Variants in PLXNA4 observed in about 807,000 individuals in gnomAD.
PLXNA4 encodes the protein plexin A4.
PLXNA4 carries 44 observed loss-of-function variants against 191.8 expected under a neutral mutation model. The ratio of observed to expected loss-of-function variants is 0.23; its 90% CI spans 0.18 to 0.29. PLXNA4 has a LOEUF of 0.29. PLXNA4 is among the 10% of genes least tolerant of loss of function. The pLI is 1.00. For synonymous variants in PLXNA4, 1,082 were observed against 1,009.5 expected (o/e 1.07, Z -1.36); for missense variants, 1,800 against 2,488.8 (o/e 0.72, Z 5.89).
chr7:132,241,505 A>G (rs1360278792), intron 4 of PLXNA4, among the ~76,000 whole-genome samples: 1 of 152,166 alleles, frequency 6.6e-6, no homozygotes, highest in Non-Finnish European at 1.5e-5. Context: ...CAAATGGCCA[A>G]TTCATCATGT....
chr7:132,351,114 T>C (rs1803467405), intron 3 of PLXNA4, among the ~76,000 whole-genome samples: 1 of 152,200 alleles, frequency 6.6e-6, no homozygotes, highest in South Asian at 2.1e-4. Context: ...GATTAGTGGC[T>C]ACCTAGGGCT....
At position 132,455,438 on chromosome 7, in the gene PLXNA4, GAC is replaced by G. The variant is rs138546621; in HGVS notation, c.1371+33852_1371+33853del. 4.4e-3 allele frequency among the ~76,000 whole-genome samples: 665 copies of G among 151,272 alleles called. 2 individuals carry two copies. The highest frequency in any genetic ancestry group is 0.015 in the African/African-American group (629 of 41,322). ...CACATTCAAGTGTGCCCAAGTATAT[GAC>G]ACACACACACACACGCAGAGTGAGG... is the stretch of plus-strand genomic sequence containing the variant. On this transcript the variant is annotated intron_variant, in intron 3 of 31. Coordinates refer to ENST00000321063, the MANE Select transcript of PLXNA4 (RefSeq NM_020911.2).
intron 30 of PLXNA4, among the ~76,000 whole-genome samples, chr7:132,138,754 T>C: frequency 6.6e-6 from 1 of 152,206 alleles, no homozygotes; most frequent in Non-Finnish European, 1.5e-5. Flanking sequence ...CTGCAGCAGC[T>C]GCATGGCACA....
At chr7:132,372,142 A>G (rs949182118) in intron 3 of PLXNA4, among the ~76,000 whole-genome samples, 1 of 152,222 alleles carries the variant, frequency 6.6e-6, no homozygotes, top group Admixed American at 6.5e-5. Context: ...AAAGATTTAC[A>G]TCACGTGACC....
chr7:132,268,771 G>T (rs1038168695), intron 4 of PLXNA4, among the ~76,000 whole-genome samples: 2 of 152,196 alleles, frequency 1.3e-5, no homozygotes, highest in Non-Finnish European at 2.9e-5. Context: ...AGCATCTGTT[G>T]CTTCCTCAGT....
At chr7:132,476,811 C>T (rs1797147473) in intron 3 of PLXNA4, among the ~76,000 whole-genome samples, 1 of 152,186 alleles carries the variant, frequency 6.6e-6, no homozygotes, top group African/African-American at 2.4e-5. Flanking sequence ...GAGACATCTG[C>T]TGAACACAAT....
chr7:132,481,588 G>A (rs1797338045), intron 3 of PLXNA4, among the ~76,000 whole-genome samples: 1 of 152,086 alleles, frequency 6.6e-6, no homozygotes, highest in Admixed American at 6.5e-5. Context: ...AACAATCCTG[G>A]TGCCTACACG....
In PLXNA4 at chr7:132,223,563, G is replaced by A. The variant is rs2116957014; in HGVS notation, c.2061C>T (p.Thr687=). 1 of 1,613,780 alleles carries A rather than the reference G, an allele frequency of 6.2e-7. No homozygotes were observed. The highest frequency in any genetic ancestry group is 8.5e-7 in the Non-Finnish European group (1 of 1,179,866). ...TCACTCGGCCTTCCTGGAAGGAGCA[G>A]GTCTTGGGGTCATGGGTGCAGACAT... ...YRHVCTHDPK[T]CSFQEGRVKL... Residue 687 remains threonine, a synonymous_variant, in exon 9 of 32, where the codon ACC becomes ACT. Transcript: ENST00000321063.
chr7:132,338,622 G>A (rs529564555), intron 3 of PLXNA4, among the ~76,000 whole-genome samples: 112 of 152,316 alleles, frequency 7.4e-4, no homozygotes, highest in African/African-American at 2.6e-3. Flanking sequence ...TAGACAGCCA[G>A]ATATCTTCTA....
At chr7:132,498,243 T>C (rs1798107329) in intron 2 of PLXNA4, among the ~76,000 whole-genome samples, 1 of 151,990 alleles carries the variant, frequency 6.6e-6, no homozygotes, top group South Asian at 2.1e-4. Flanking sequence ...GCCTAACTGA[T>C]AAATTAAAGT....
intron 3 of PLXNA4, among the ~76,000 whole-genome samples, chr7:132,326,356 T>C (rs2116667764): frequency 6.6e-6 from 1 of 152,310 alleles, no homozygotes; most frequent in East Asian, 1.9e-4. Context: ...TGTATGTAAA[T>C]AAATGAACAC....
intron 9 of PLXNA4, among the ~76,000 whole-genome samples, chr7:132,213,604 C>T (rs1365817477): frequency 6.6e-6 from 1 of 152,152 alleles, no homozygotes; most frequent in Non-Finnish European, 1.5e-5. Flanking sequence ...ATGTGGCACA[C>T]AGAGGAAAGA....
chr7:132,643,411 A>C (rs679868), intron 2 of PLXNA4, among the ~76,000 whole-genome samples: 134,719 of 150,708 alleles, frequency 0.89, 60,563 homozygotes, highest in East Asian at 1. Context: ...GACTCACTTG[A>C]CCCCCCAGCC....
At chr7:132,449,466 C>A (rs1330258687) in intron 3 of PLXNA4, among the ~76,000 whole-genome samples, 1 of 152,234 alleles carries the variant, frequency 6.6e-6, no homozygotes, top group Admixed American at 6.5e-5. Context: ...CCAACTCAAT[C>A]AGTGTTTCCC....
At chr7:132,381,626 AT>A (rs1804896587) in intron 3 of PLXNA4, among the ~76,000 whole-genome samples, 1 of 152,382 alleles carries the variant, frequency 6.6e-6, no homozygotes, top group Admixed American at 6.5e-5. Context: ...ATGGATATTA[AT>A]AAGGCAAAGA....
intron 4 of PLXNA4, among the ~76,000 whole-genome samples, chr7:132,274,351 A>C (rs1028261027): frequency 6.6e-6 from 1 of 152,114 alleles, no homozygotes; most frequent in African/African-American, 2.4e-5. Flanking sequence ...AGTTACCCAA[A>C]TAGTAGAAAG....
chr7:132,488,779 C>T (rs142456876), intron 3 of PLXNA4, among the ~76,000 whole-genome samples: 2 of 152,152 alleles, frequency 1.3e-5, no homozygotes, highest in Non-Finnish European at 2.9e-5. Context: ...TTTCATGTTC[C>T]CATTGCACCC....
At chr7:132,638,653 A>T (rs959518671) in intron 2 of PLXNA4, among the ~76,000 whole-genome samples, 1 of 152,120 alleles carries the variant, frequency 6.6e-6, no homozygotes, top group African/African-American at 2.4e-5. Flanking sequence ...CTCTGTCTCA[A>T]AAAACAGAAA....
intron 4 of PLXNA4, among the ~76,000 whole-genome samples, chr7:132,280,998 A>G (rs1800458837): frequency 6.6e-6 from 1 of 152,132 alleles, no homozygotes; most frequent in African/African-American, 2.4e-5. Flanking sequence ...AAACCTTTAG[A>G]AAATTAGGAA....
Sources: allele counts gnomAD v4.1 joint callset (sites outside exome capture counted in the v4.1 genomes callset), GRCh38; gene constraint gnomAD v4.1.1; transcripts MANE v1.5; gene names NCBI Gene and HGNC (gene_info 2026-07-23, HGNC 2026-07-21).